Variants in RAD54B observed in about 807,000 individuals in gnomAD.
The protein encoded by RAD54B is RAD54 homolog B, also known as DNA repair and recombination protein RAD54B.
In RAD54B, 78 loss-of-function variants were observed where a neutral mutation model predicts 95.8. The observed-to-expected ratio is 0.81, with a 90% confidence interval of 0.68 to 0.98. RAD54B has a LOEUF of 0.98. Among genes scored for constraint, RAD54B ranks in the 50% least tolerant of loss-of-function variants. The probability of loss-of-function intolerance (pLI) is 0.00; values close to 1 mark genes in which losing one functional copy is unlikely to be tolerated. For synonymous variants in RAD54B, 328 were observed against 354.9 expected, an observed-to-expected ratio of 0.92 and a Z score of 0.85; for missense variants, 957 against 1,056.6, an observed-to-expected ratio of 0.91 and a Z score of 1.31.
chr8:94,375,961 C>T (rs887973220), intron 14 of RAD54B, among the ~76,000 whole-genome samples: 6 of 151,906 alleles, frequency 3.9e-5, no homozygotes, highest in African/African-American at 1.5e-4. Flanking sequence ...GAGTTTTCAC[C>T]ATGTACATTT....
intron 8 of RAD54B, 113 bp downstream of exon 8, chr8:94,399,301 A>G: frequency 1.3e-6 from 1 of 772,616 alleles, no homozygotes; most frequent in South Asian, 1.8e-5. Context: ...CAGGTTTATT[A>G]GTATAAATTC....
chr8:94,438,985 G>A (rs920085266), intron 3 of RAD54B, among the ~76,000 whole-genome samples: 8 of 152,078 alleles, frequency 5.3e-5, no homozygotes, highest in East Asian at 1.9e-4. Flanking sequence ...CCAGCTATTC[G>A]GGAACCTGAG....
chr8:94,431,180 A>C lies in RAD54B; in HGVS notation c.305-19865T>G. 5 of 917,290 alleles carry C rather than the reference A, an allele frequency of 5.5e-6. No homozygotes were observed. The South Asian group carries it at 2.5e-4, about 46-fold the overall frequency. 56.8% of individuals were successfully genotyped at this position (917,290 alleles called of 1,614,324 possible). The stretch of plus-strand genomic sequence containing the variant: ...GAGGTTTTATTTCCATGAATACTAA[A>C]ATAACAATACTTATAAAATACATAA... On this transcript the variant is annotated intron_variant, in intron 3 of 14. Coordinates refer to ENST00000336148, the MANE Select transcript of RAD54B (RefSeq NM_012415.3).
At position 94,403,619 on chromosome 8, in the gene RAD54B, G is replaced by A. The variant is rs557423662; in HGVS notation, c.944+458C>T. Among the ~76,000 whole-genome samples the A allele has an allele frequency of 7.2e-5, 11 of 151,898 alleles. No individual in the cohort carries two copies. In the South Asian group the frequency reaches 1.7e-3, roughly 23 times the overall value. The stretch of plus-strand genomic sequence containing the variant: ...TTGAACTTGGGAGATGGAGATTGCA[G>A]TGAGCCAAGATAACGCCATTGCACT... On this transcript the variant is annotated intron_variant, in intron 6 of 14. Transcript: ENST00000336148.
intron 3 of RAD54B, among the ~76,000 whole-genome samples, chr8:94,420,971 CG>C (rs1811793300): frequency 6.8e-6 from 1 of 147,794 alleles, no homozygotes; most frequent in African/African-American, 2.5e-5. Context: ...GGCAATCAAG[CG>C]AGACTCAGTC....
intron 3 of RAD54B, among the ~76,000 whole-genome samples, chr8:94,418,770 T>A (rs111285503): frequency 5.9e-5 from 9 of 152,238 alleles, no homozygotes; most frequent in African/African-American, 1.9e-4. Flanking sequence ...TTGGGATTCA[T>A]CCCAAATTGT....
chr8:94,414,581 T>C (rs1008389784), intron 3 of RAD54B, among the ~76,000 whole-genome samples: 3 of 152,236 alleles, frequency 2.0e-5, no homozygotes, highest in African/African-American at 7.2e-5. Flanking sequence ...TCTATTGAGA[T>C]AATCATGTGG....
intron 3 of RAD54B, among the ~76,000 whole-genome samples, chr8:94,437,389 G>A (rs1246722684): frequency 6.6e-6 from 1 of 152,162 alleles, no homozygotes; most frequent in Non-Finnish European, 1.5e-5. Flanking sequence ...TCTCATCACT[G>A]TTTCTGAGCT....
chr8:94,471,786 T>C (rs542480591), intron 1 of RAD54B, among the ~76,000 whole-genome samples: 11 of 152,140 alleles, frequency 7.2e-5, no homozygotes, highest in African/African-American at 2.6e-4. Flanking sequence ...TATCATTAAT[T>C]AGATTTTTTT....
rs907476286 is a variant in RAD54B, at chr8:94,428,083, A to G, written c.305-16768T>C. ...TAAATCACAGCTAGTTTAGAAAATC[A>G]TAAGTTGTAACAACATATCCATTAC... On this transcript the variant is annotated intron_variant, in intron 3 of 14. Transcript: ENST00000336148. The G allele has an allele frequency of 5.3e-5, 50 of 951,090 alleles. No individual in the cohort carries two copies. The South Asian group carries it at 6.8e-4, about 13-fold the overall frequency. 58.9% of individuals were successfully genotyped at this position (951,090 alleles called of 1,614,324 possible).
chr8:94,427,607 A>T, intron 3 of RAD54B: 1 of 574,470 alleles, frequency 1.7e-6, no homozygotes, highest in Non-Finnish European at 2.2e-6. Context: ...ATCTATTATA[A>T]CATAATCATC....
chr8:94,414,869 A>T (rs1811619841), intron 3 of RAD54B, among the ~76,000 whole-genome samples: 2 of 152,180 alleles, frequency 1.3e-5, no homozygotes, highest in Admixed American at 6.5e-5. Context: ...ATAAAAGAGG[A>T]TACAAACAAA....
Position 94,378,314 on chromosome 8 carries a change from T to G in RAD54B, c.2381A>C (p.Asp794Ala). Residue 794 changes from aspartate to alanine, a missense_variant, in exon 14 of 15, where the codon GAC (aspartate) becomes GCC (alanine). Transcript: ENST00000336148. ...AATATGTTCAGATGTCTTGGTGAGGTCGACAACTGCCCCACAAAGACCTTG... is the reference window on the plus strand; with the variant it reads ...AATATGTTCAGATGTCTTGGTGAGGGCGACAACTGCCCCACAAAGACCTTG... ...SKQGLCGAVV[D>A]LTKTSEHIQF... The G allele has an allele frequency of 5.6e-6, 9 of 1,613,976 alleles. No individual in the cohort carries two copies. The highest frequency in any genetic ancestry group is 7.6e-6 in the Non-Finnish European group (9 of 1,179,960).
At chr8:94,409,387 T>C (rs1181226799) in intron 4 of RAD54B, among the ~76,000 whole-genome samples, 1 of 151,786 alleles carries the variant, frequency 6.6e-6, no homozygotes, top group East Asian at 1.9e-4. Context: ...TCTTTTTTTT[T>C]TTTAAGAGAC....
At chr8:94,429,717 A>C (rs1443025345) in intron 3 of RAD54B, 1 of 983,750 alleles carries the variant, frequency 1.0e-6, no homozygotes, top group East Asian at 1.1e-4. Context: ...TAACATTGTC[A>C]AAAGGATATA....
Position 94,432,741 on chromosome 8 carries a change from A to G in RAD54B, c.305-21426T>C, listed in dbSNP as rs978355106. The G allele has an allele frequency of 2.9e-6, 4 of 1,361,080 alleles. No individual in the cohort carries two copies. In the African/African-American group the frequency reaches 4.4e-5, roughly 15 times the overall value. 84.3% of individuals were successfully genotyped at this position (1,361,080 alleles called of 1,614,324 possible). A position where few individuals can be genotyped will look rare whatever the true frequency, so the allele number is the denominator to read the frequency against. On this transcript the variant is annotated intron_variant, in intron 3 of 14. Transcript: ENST00000336148. ...ATAGCATAATTTTAATTTAATGTAC[A>G]TTAAATGATAAAGCTTTAAAACTAT...
chr8:94,463,981 A>T (rs1203780377), intron 2 of RAD54B, among the ~76,000 whole-genome samples: 1 of 151,938 alleles, frequency 6.6e-6, no homozygotes, highest in Non-Finnish European at 1.5e-5. Flanking sequence ...AACGTTCATG[A>T]GTATTACTCA....
At chr8:94,442,076 C>T (rs1812409841) in intron 3 of RAD54B, among the ~76,000 whole-genome samples, 1 of 152,114 alleles carries the variant, frequency 6.6e-6, no homozygotes, top group Middle Eastern at 3.2e-3. Flanking sequence ...AAATGAAATC[C>T]TGACATTTGC....
chr8:94,384,563 T>C (rs556486744), intron 11 of RAD54B, among the ~76,000 whole-genome samples: 1 of 152,180 alleles, frequency 6.6e-6, no homozygotes, highest in East Asian at 1.9e-4. Context: ...TCAGTTTTGT[T>C]TGCAAGATGC....
Sources: allele counts gnomAD v4.1 joint callset (sites outside exome capture counted in the v4.1 genomes callset), GRCh38; gene constraint gnomAD v4.1.1; transcripts MANE v1.5; gene names NCBI Gene and HGNC (gene_info 2026-07-23, HGNC 2026-07-21).